LRRC36: variants seen among roughly 807,000 people sequenced by gnomAD.
The protein encoded by LRRC36 is leucine-rich repeat-containing protein 36.
In LRRC36, 62 loss-of-function variants were observed where a neutral mutation model predicts 81.1. The ratio of observed to expected loss-of-function variants is 0.76; its 90% confidence interval spans 0.62 to 0.94. The LOEUF (loss-of-function observed/expected upper bound fraction) is 0.94, where lower values mean the gene tolerates loss of function less well. LRRC36 is among the 40% of genes least tolerant of loss of function. LRRC36 has a pLI of 0.00. For synonymous variants in LRRC36, 334 were observed against 348.6 expected, an observed-to-expected ratio of 0.96 and a Z score of 0.47; for missense variants, 761 against 881.7, an observed-to-expected ratio of 0.86 and a Z score of 1.73.
chr16:67,360,703 G>T (rs976305714), intron 5 of LRRC36, among the ~76,000 whole-genome samples: 16 of 152,196 alleles, frequency 1.1e-4, no homozygotes, highest in African/African-American at 3.4e-4. Flanking sequence ...TTCAGAAATA[G>T]AAGGCATCTT....
At position 67,375,281 on chromosome 16, in the gene LRRC36, T is replaced by G; in HGVS notation, c.1529T>G (p.Leu510Trp). 6.2e-7 allele frequency: 1 copy of G among 1,613,328 alleles called. No individual in the cohort carries two copies. The highest frequency in any genetic ancestry group is 1.1e-5 in the South Asian group (1 of 91,062). The change falls in exon 10 of 14, where the codon TTG (leucine) becomes TGG (tryptophan). Residue 510 changes from leucine (L) to tryptophan (W), a missense_variant. By Grantham distance (61) the Leu-to-Trp change is moderately conservative (BLOSUM62 -2). Around this residue, in one of 3 missense-constraint regions of LRRC36, gnomAD observed 359 missense variants for 388.4 expected, o/e 0.92. Transcript: ENST00000329956. ...AGTGACCTGGGTAGTTTGCACGGTT[T>G]GGCTGGAAACCACAGTCCCCCCATC... The part of the protein sequence containing the change: ...LSSDLGSLHG[L>W]AGNHSPPISA...
At chr16:67,335,225 TA>T (rs1019819479) in intron 1 of LRRC36, among the ~76,000 whole-genome samples, 3 of 152,188 alleles carry the variant, frequency 2.0e-5, no homozygotes, top group African/African-American at 7.2e-5. Context: ...GCTGTGACCA[TA>T]AAAGACATCT....
chr16:67,374,015 AAAAT>A (rs1171364341), intron 9 of LRRC36, among the ~76,000 whole-genome samples: 2 of 151,788 alleles, frequency 1.3e-5, no homozygotes, highest in Admixed American at 6.6e-5. Flanking sequence ...TCTATCTCAA[AAAAT>A]AAATAAACAC....
At chr16:67,374,830 T>C (rs1299683607) in intron 9 of LRRC36, among the ~76,000 whole-genome samples, 2 of 152,070 alleles carry the variant, frequency 1.3e-5, no homozygotes, top group African/African-American at 2.4e-5. Flanking sequence ...AATCATCTTT[T>C]TCACTTTTTA....
At chr16:67,330,237 A>G (rs2037419342) in intron 1 of LRRC36, among the ~76,000 whole-genome samples, 1 of 151,998 alleles carries the variant, frequency 6.6e-6, no homozygotes, top group Admixed American at 6.6e-5. Context: ...GTTAGGAAGT[A>G]TATGGTGCCT....
intron 1 of LRRC36, among the ~76,000 whole-genome samples, chr16:67,330,092 A>G (rs2037412661): frequency 6.6e-6 from 1 of 152,086 alleles, no homozygotes; most frequent in Non-Finnish European, 1.5e-5. Flanking sequence ...TGCTCATTGC[A>G]TTCCTAAGAT....
In LRRC36 at chr16:67,326,923, G is replaced by A. The variant is rs145929324; in HGVS notation, c.61G>A (p.Glu21Lys). The change falls in exon 1 of 14, where the codon GAG (glutamate) becomes AAG (lysine). Residue 21 changes from glutamate (E) to lysine (K), a missense_variant. This residue lies in a region of LRRC36 where 263 missense variants were observed against 279.3 expected (regional missense o/e 0.94). Coordinates refer to ENST00000329956, the MANE Select transcript of LRRC36 (RefSeq NM_018296.6). Reference sequence around the variant, plus strand: ...TCGCCGCCTGGGGGCGCTGACGCTGGAGCAGCCGGGTAGGGTCTGGCCGGG... The same window carrying A: ...TCGCCGCCTGGGGGCGCTGACGCTGAAGCAGCCGGGTAGGGTCTGGCCGGG... ...GIRRLGALTL[E>K]QPELVESLSL... is the part of the protein sequence containing the mutation. The A allele has an allele frequency of 5.0e-4, 753 of 1,494,916 alleles. No individual in the cohort carries two copies. The highest frequency in any genetic ancestry group is 7.3e-4 in the Admixed American group (27 of 36,774). 92.6% of individuals were successfully genotyped at this position (1,494,916 alleles called of 1,614,324 possible). A position where few individuals can be genotyped will look rare whatever the true frequency, so the allele number is the denominator to read the frequency against.
At chr16:67,370,853 A>G in intron 8 of LRRC36, 91 bp from the exon 9 acceptor site, 1 of 1,048,586 alleles carries the variant, frequency 9.5e-7, no homozygotes, top group East Asian at 2.4e-5. Flanking sequence ...AGTGGTTATT[A>G]TGACCCTTGG....
intron 5 of LRRC36, among the ~76,000 whole-genome samples, chr16:67,352,559 A>T (rs1015679510): frequency 6.6e-6 from 1 of 151,994 alleles, no homozygotes; most frequent in African/African-American, 2.4e-5. Context: ...TACCTAGGCT[A>T]TATCTTTGGG....
chr16:67,370,582 G>A (rs564788703), intron 8 of LRRC36, among the ~76,000 whole-genome samples: 3 of 148,068 alleles, frequency 2.0e-5, no homozygotes, highest in South Asian at 4.3e-4. Context: ...GCAGTGAGCC[G>A]AGATTGTGCC....
chr16:67,329,781 G>A (rs1165530509), intron 1 of LRRC36, among the ~76,000 whole-genome samples: 1 of 152,008 alleles, frequency 6.6e-6, no homozygotes, highest in Non-Finnish European at 1.5e-5. Flanking sequence ...AGCTGGACAT[G>A]GTGGCTCACA....
intron 13 of LRRC36, among the ~76,000 whole-genome samples, chr16:67,384,158 C>G (rs1440266561): frequency 1.3e-5 from 2 of 152,052 alleles, no homozygotes; most frequent in African/African-American, 4.8e-5. Context: ...TAATACAGGC[C>G]AGGTGCAGTG....
chr16:67,363,746 A>C (rs1377774587), intron 6 of LRRC36, 32 bp downstream of exon 6: 4 of 1,608,128 alleles, frequency 2.5e-6, no homozygotes, highest in Admixed American at 1.7e-5. Context: ...TGATCTGTTG[A>C]CTAGTCAATG....
chr16:67,342,486 A>G (rs1465431676), intron 2 of LRRC36, among the ~76,000 whole-genome samples: 1 of 152,286 alleles, frequency 6.6e-6, no homozygotes, highest in African/African-American at 2.4e-5. Flanking sequence ...TACATGGAGC[A>G]TACATGGAGA....
Position 67,346,450 on chromosome 16 carries a change from T to C in LRRC36, c.391+2T>C. 1 of 1,559,032 alleles carries C rather than the reference T, an allele frequency of 6.4e-7. No individual in the cohort carries two copies. Reference sequence around the variant, plus strand: ...CACTACAAACTCTGGAGAAATTAGGTAAGACCTTCCTTCTCTGTTCCTGTC... The same window carrying C: ...CACTACAAACTCTGGAGAAATTAGGCAAGACCTTCCTTCTCTGTTCCTGTC... On this transcript the variant is annotated splice_donor_variant, in intron 3 of 13. Coordinates refer to ENST00000329956, the MANE Select transcript of LRRC36 (RefSeq NM_018296.6). LOFTEE classifies it high-confidence loss of function.
chr16:67,333,633 A>G (rs1010185427), intron 1 of LRRC36, among the ~76,000 whole-genome samples: 7 of 152,080 alleles, frequency 4.6e-5, no homozygotes, highest in African/African-American at 1.7e-4. Flanking sequence ...ATTTCATATC[A>G]TTGGAATCAT....
chr16:67,362,924 C>T lies in LRRC36; in HGVS notation c.578-666C>T, dbSNP rs748836633. Among the ~76,000 whole-genome samples, 13 of 152,100 alleles carry T rather than the reference C, an allele frequency of 8.5e-5. No homozygotes were observed. In the South Asian group the frequency reaches 1.0e-3, roughly 12 times the overall value. On this transcript the variant is annotated intron_variant, in intron 5 of 13. Coordinates refer to ENST00000329956, the MANE Select transcript of LRRC36 (RefSeq NM_018296.6). ...TCCTGAGTAGCTGGGATTATAGGCG[C>T]GCGCCACCACTCCCGGCCCGGCTAA... is the stretch of plus-strand genomic sequence containing the variant.
At position 67,367,260 on chromosome 16, in the gene LRRC36, A is replaced by G. The variant is rs1208899658; in HGVS notation, c.998A>G (p.Tyr333Cys). Reference sequence around the variant, plus strand: ...CCTTCAGATGTTGGTCTGGAAAATTATGACAGTTGTTATTCTCAAACTCTA... The same window carrying G: ...CCTTCAGATGTTGGTCTGGAAAATTGTGACAGTTGTTATTCTCAAACTCTA... ...QLPSDVGLEN[Y>C]DSCYSQTLSL... The change falls in exon 8 of 14, where the codon TAT becomes TGT. Residue 333 changes from tyrosine to cysteine, a missense_variant. Transcript: ENST00000329956. 1 of 1,614,194 alleles carries G rather than the reference A, an allele frequency of 6.2e-7. No individual in the cohort carries two copies. Among genetic ancestry groups the G allele is most frequent in the East Asian group, 2.2e-5 (1 of 44,882 alleles).
intron 8 of LRRC36, among the ~76,000 whole-genome samples, chr16:67,367,712 T>C (rs551321512): frequency 6.6e-6 from 1 of 152,254 alleles, no homozygotes; most frequent in Non-Finnish European, 1.5e-5. Flanking sequence ...TCCCAGGACA[T>C]CTAGTCTTTA....
Sources: gnomAD v4.1 joint callset for allele counts (sites outside exome capture counted in the v4.1 genomes callset) on GRCh38, gnomAD v4.1.1 for gene constraint, gnomAD v4.1.1 regional missense constraint, MANE v1.5 for transcripts, NCBI Gene and HGNC (gene_info 2026-07-23, HGNC 2026-07-21) for gene names.